The following PRICKLE2 variants were observed in gnomAD, a reference collection of about 807,000 sequenced individuals.
PRICKLE2 encodes the protein prickle-like protein 2.
A neutral mutation model predicts 81.4 loss-of-function variants in PRICKLE2; 21 were observed. The ratio of observed to expected loss-of-function variants is 0.26; its 90% CI spans 0.18 to 0.37. The LOEUF is 0.37. Ranked by LOEUF, PRICKLE2 falls within the 10% of genes least tolerant of loss-of-function variation. The pLI, the probability that PRICKLE2 is intolerant of heterozygous loss-of-function variation, is 1.00. For missense variants in PRICKLE2, 940 were observed against 1,109.0 expected (o/e 0.85, Z 2.16); for synonymous variants, 456 against 421.5 (o/e 1.08, Z -1.00).
intron 1 of PRICKLE2, among the ~76,000 whole-genome samples, chr3:64,206,465 G>A (rs993151962): frequency 1.3e-5 from 2 of 152,200 alleles, no homozygotes; most frequent in African/African-American, 2.4e-5. Context: ...GCATCACTAG[G>A]CCCTCCTGCC....
chr3:64,158,888 G>T (rs956924426), intron 4 of PRICKLE2, among the ~76,000 whole-genome samples: 1 of 152,122 alleles, frequency 6.6e-6, no homozygotes, highest in Non-Finnish European at 1.5e-5. Flanking sequence ...GCTTCCCTTG[G>T]GCAGCATCCC....
rs1016281918 is a variant in PRICKLE2, at chr3:64,096,107, C to T, written c.*2944G>A. The T allele has an allele frequency of 5.3e-5, 8 of 152,198 alleles. No individual in the cohort carries two copies. Among genetic ancestry groups the T allele is most frequent in the African/African-American group, 1.4e-4 (6 of 41,426 alleles). The allele number at this position is 152,198 out of a possible 1,614,324, so 9.4% of individuals were successfully genotyped here. ...ATTGAGCAGCAATAGGAAATGAACT[C>T]AACTCCGAAGTTGCAGTTCTAACCA... is the stretch of plus-strand genomic sequence containing the variant. On this transcript the variant is annotated 3_prime_UTR_variant, in exon 8 of 8. Coordinates refer to ENST00000638394, the MANE Select transcript of PRICKLE2 (RefSeq NM_198859.4).
chr3:64,141,114 A>C (rs969205627), intron 7 of PRICKLE2, among the ~76,000 whole-genome samples: 2 of 152,242 alleles, frequency 1.3e-5, no homozygotes, highest in Non-Finnish European at 2.9e-5. Flanking sequence ...ATTCTACATG[A>C]AGCCATTAGC....
At chr3:64,232,005 T>A (rs550353811) in intron 2 of PRICKLE2, among the ~76,000 whole-genome samples, 1 of 152,214 alleles carries the variant, frequency 6.6e-6, no homozygotes, top group East Asian at 1.9e-4. Context: ...GTGTGGGAAA[T>A]AATGTGTTAT....
chr3:64,235,007 G>A (rs1222378303), intron 2 of PRICKLE2, among the ~76,000 whole-genome samples: 1 of 152,030 alleles, frequency 6.6e-6, no homozygotes, highest in East Asian at 1.9e-4. Flanking sequence ...GTAAGCATAT[G>A]TAGGTGTGCT....
chr3:64,149,141 C>T (rs1160662013), intron 6 of PRICKLE2, among the ~76,000 whole-genome samples: 1 of 152,220 alleles, frequency 6.6e-6, no homozygotes, highest in Non-Finnish European at 1.5e-5. Context: ...CTAAGGGAGC[C>T]TCCCACAGCC....
intron 7 of PRICKLE2, among the ~76,000 whole-genome samples, chr3:64,142,768 C>G (rs1313523977): frequency 6.6e-6 from 1 of 152,126 alleles, no homozygotes; most frequent in African/African-American, 2.4e-5. Flanking sequence ...TATAGAAGGT[C>G]ATATGTGTCA....
In PRICKLE2 at chr3:64,096,017, C is replaced by T. The variant is rs1341243083; in HGVS notation, c.*3034G>A. ...AGGGTGGTATGGATTGGCAGAGCCA[C>T]TCAGGAAACTGTCAATGACTTATAC... is the stretch of plus-strand genomic sequence containing the variant. On this transcript the variant is annotated 3_prime_UTR_variant, in exon 8 of 8. Coordinates refer to ENST00000638394, the MANE Select transcript of PRICKLE2 (RefSeq NM_198859.4). The T allele has an allele frequency of 1.3e-5, 2 of 152,188 alleles. No individual in the cohort carries two copies. Among genetic ancestry groups the T allele is most frequent in the African/African-American group, 4.8e-5 (2 of 41,424 alleles). 9.4% of individuals were successfully genotyped at this position (152,188 alleles called of 1,614,324 possible).
In PRICKLE2 at chr3:64,206,322, G is replaced by C. The variant is rs1020797731; in HGVS notation, c.-40-7355C>G. Among the ~76,000 whole-genome samples the C allele has an allele frequency of 7.2e-5, 11 of 152,204 alleles. No homozygotes were observed. In the East Asian group the frequency reaches 2.1e-3, roughly 29 times the overall value. On this transcript the variant is annotated intron_variant, in intron 1 of 7. Transcript: ENST00000638394. ...CTCCTAGTCAGAAAGGAGTGCCGTA[G>C]AGTGTGGTTTAAAAACAGGTGTGGG...
At chr3:64,150,880 G>A (rs192777895) in intron 6 of PRICKLE2, among the ~76,000 whole-genome samples, 7 of 152,316 alleles carry the variant, frequency 4.6e-5, no homozygotes, top group African/African-American at 1.4e-4. Context: ...CGTGGTCCCC[G>A]ATAAACATCG....
At chr3:64,254,564 T>TG (rs1179596449) in intron 2 of PRICKLE2, among the ~76,000 whole-genome samples, 4 of 152,184 alleles carry the variant, frequency 2.6e-5, no homozygotes, top group African/African-American at 9.7e-5. Flanking sequence ...GACTAATTAT[T>TG]ATTAGAGTAC....
At chr3:64,260,342 G>C (rs576048447) in intron 2 of PRICKLE2, among the ~76,000 whole-genome samples, 2 of 152,296 alleles carry the variant, frequency 1.3e-5, no homozygotes, top group South Asian at 4.1e-4. Context: ...CCCTAACACA[G>C]TGCAGCAGCT....
intron 7 of PRICKLE2, among the ~76,000 whole-genome samples, chr3:64,111,434 T>C (rs2076845396): frequency 6.6e-6 from 1 of 152,194 alleles, no homozygotes; most frequent in African/African-American, 2.4e-5. Context: ...TCCTGCCTTT[T>C]ATTACTGTGA....
In PRICKLE2 at chr3:64,147,085, G is replaced by A. The variant is rs1386382961; in HGVS notation, c.1405C>T (p.Arg469Ter). 2.5e-6 allele frequency: 4 copies of A among 1,614,044 alleles called. No individual in the cohort carries two copies. The highest frequency in any genetic ancestry group is 1.3e-5 in the African/African-American group (1 of 74,994). The stretch of plus-strand genomic sequence containing the variant: ...AGCCTCCCCGGGTAATAGTCTTCTC[G>A]GCATTCCTTGATGAAGCTGCCAGCA... ...GHAGSFIKEC[R>*]EDYYPGRLRS... is the part of the protein sequence containing the mutation. Residue 469 changes from arginine to a stop codon, truncating the protein, a stop_gained, in exon 7 of 8, where the codon CGA (arginine) becomes TGA (stop). Transcript: ENST00000638394. LOFTEE classifies it high-confidence loss of function. The surrounding 1 kb of genome is among the most constrained non-coding windows in gnomAD (Gnocchi z 5.0).
chr3:64,164,213 C>T (rs1023794743), intron 2 of PRICKLE2, among the ~76,000 whole-genome samples: 1 of 152,108 alleles, frequency 6.6e-6, no homozygotes, highest in Non-Finnish European at 1.5e-5. Flanking sequence ...CCCGCCTCTA[C>T]TAAAAGTACA....
At chr3:64,168,420 T>C (rs2077871557) in intron 2 of PRICKLE2, among the ~76,000 whole-genome samples, 1 of 152,164 alleles carries the variant, frequency 6.6e-6, no homozygotes, top group African/African-American at 2.4e-5. Context: ...AGAAAGTTTG[T>C]GCATTTCTGT....
intron 4 of PRICKLE2, among the ~76,000 whole-genome samples, chr3:64,159,317 C>T (rs1025177969): frequency 1.3e-5 from 2 of 152,244 alleles, no homozygotes; most frequent in Non-Finnish European, 1.5e-5. Context: ...AAATGGCTCT[C>T]GTTCTGGGAT....
chr3:64,195,065 A>C (rs2078424626), intron 2 of PRICKLE2, among the ~76,000 whole-genome samples: 1 of 152,120 alleles, frequency 6.6e-6, no homozygotes, highest in South Asian at 2.1e-4. Context: ...TAAACAAAAA[A>C]GTAAAAAAGA....
chr3:64,142,576 G>A (rs1244611141), intron 7 of PRICKLE2, among the ~76,000 whole-genome samples: 1 of 152,056 alleles, frequency 6.6e-6, no homozygotes, highest in Non-Finnish European at 1.5e-5. Context: ...CTCCCAAAGT[G>A]TTGAGATTAC....
Sources: gnomAD v4.1 joint callset for allele counts (sites outside exome capture counted in the v4.1 genomes callset) on GRCh38, gnomAD v4.1.1 for gene constraint, Gnocchi (gnomAD v3.1) non-coding constraint, MANE v1.5 for transcripts, NCBI Gene and HGNC (gene_info 2026-07-23, HGNC 2026-07-21) for gene names.